TMEM132C: variants seen among roughly 807,000 people sequenced by gnomAD.
TMEM132C encodes the protein transmembrane protein 132C.
A neutral mutation model predicts 61.4 loss-of-function variants in TMEM132C; 29 were observed. That is an observed-to-expected ratio of 0.47 (90% confidence interval 0.35 to 0.64). The LOEUF (loss-of-function observed/expected upper bound fraction) is 0.64. Among genes scored for constraint, TMEM132C ranks in the 30% least tolerant of loss-of-function variants. TMEM132C has a pLI of 0.00. For synonymous variants in TMEM132C, 656 were observed against 633.1 expected, an observed-to-expected ratio of 1.04 and a Z score of -0.54; for missense variants, 1,408 against 1,476.9, an observed-to-expected ratio of 0.95 and a Z score of 0.76.
At chr12:128,632,983 T>A (rs948400936) in intron 4 of TMEM132C, among the ~76,000 whole-genome samples, 5 of 152,126 alleles carry the variant, frequency 3.3e-5, no homozygotes, top group African/African-American at 1.2e-4. Context: ...CACAGTGGCT[T>A]AAAATAGCAA....
intron 2 of TMEM132C, among the ~76,000 whole-genome samples, chr12:128,431,224 C>G (rs1869375270): frequency 6.6e-6 from 1 of 152,216 alleles, no homozygotes; most frequent in African/African-American, 2.4e-5. Context: ...TCAAACCATC[C>G]ACAACTTTTC....
intron 5 of TMEM132C, among the ~76,000 whole-genome samples, chr12:128,679,758 T>C (rs1384050954): frequency 6.6e-6 from 1 of 152,182 alleles, no homozygotes; most frequent in Non-Finnish European, 1.5e-5. Flanking sequence ...CACAAATTTA[T>C]CTGTAATAGC....
intron 1 of TMEM132C, chr12:128,288,713 A>C (rs2135906310): frequency 6.6e-6 from 1 of 152,202 alleles, no homozygotes; most frequent in South Asian, 2.1e-4. Flanking sequence ...TTATATATTC[A>C]TGGGTCAAAC....
At chr12:128,693,770 G>C (rs1167183507) in intron 5 of TMEM132C, 59 bp from the exon 6 acceptor site, 1 of 1,529,832 alleles carries the variant, frequency 6.5e-7, no homozygotes, top group African/African-American at 1.4e-5. Flanking sequence ...AACAAAAAAA[G>C]GATTGTCTCC....
rs111751072 is a variant in TMEM132C at position 128,466,871 on chromosome 12, A to T, written c.974+51251A>T. ...AGTCCCCTTGGACATTCAGGTTTGG[A>T]GCCCTGACACTTGGCTACATAGGGG... On this transcript the variant is annotated intron_variant, in intron 2 of 8. Transcript: ENST00000435159. 3.3e-5 allele frequency among the ~76,000 whole-genome samples: 5 copies of T among 152,248 alleles called. 1 individual carries two copies. The highest frequency in any genetic ancestry group is 9.6e-5 in the African/African-American group (4 of 41,542).
Position 128,705,765 on chromosome 12 carries a change from G to T in TMEM132C, c.2797G>T (p.Val933Leu). Residue 933 changes from valine to leucine, a missense_variant, in exon 9 of 9, where the codon GTG becomes TTG. Coordinates refer to ENST00000435159, the MANE Select transcript of TMEM132C (RefSeq NM_001136103.3). Reference protein sequence around the residue: ...LEIGMYALLGVFCLAILVFLI... With the variant: ...LEIGMYALLGLFCLAILVFLI... ...GATAGGGATGTACGCCCTCCTGGGG[G>T]TGTTCTGCCTGGCCATCCTCGTCTT... is the stretch of plus-strand genomic sequence containing the variant. 1.9e-6 allele frequency: 3 copies of T among 1,551,528 alleles called. No individual in the cohort carries two copies. Among genetic ancestry groups the T allele is most frequent in the Non-Finnish European group, 2.6e-6 (3 of 1,147,020 alleles).
intron 4 of TMEM132C, among the ~76,000 whole-genome samples, chr12:128,655,932 T>C (rs1343161797): frequency 2.6e-5 from 4 of 152,230 alleles, no homozygotes; most frequent in African/African-American, 9.6e-5. Context: ...TCAAAACCTC[T>C]AGGTGAAACA....
intron 5 of TMEM132C, among the ~76,000 whole-genome samples, chr12:128,670,951 C>A (rs1954526254): frequency 6.6e-6 from 1 of 152,032 alleles, no homozygotes; most frequent in African/African-American, 2.4e-5. Flanking sequence ...AGGTTAGCAG[C>A]AAATTCTAAT....
intron 1 of TMEM132C, among the ~76,000 whole-genome samples, chr12:128,292,875 A>G (rs1871289461): frequency 6.6e-6 from 1 of 152,192 alleles, no homozygotes; most frequent in African/African-American, 2.4e-5. Context: ...TAAACAGAAT[A>G]GCATAGAAAT....
chr12:128,609,751 G>A (rs1876566534), intron 3 of TMEM132C, among the ~76,000 whole-genome samples: 1 of 152,162 alleles, frequency 6.6e-6, no homozygotes, highest in African/African-American at 2.4e-5. Flanking sequence ...TGGCGTATTG[G>A]ATCTGGGTGT....
At chr12:128,539,131 T>G (rs1873641033) in intron 2 of TMEM132C, among the ~76,000 whole-genome samples, 1 of 152,190 alleles carries the variant, frequency 6.6e-6, no homozygotes, top group East Asian at 1.9e-4. Flanking sequence ...CGGAATCTTC[T>G]CCATGCCTCA....
At chr12:128,329,478 G>T (rs1055153120) in intron 1 of TMEM132C, among the ~76,000 whole-genome samples, 1 of 152,100 alleles carries the variant, frequency 6.6e-6, no homozygotes, top group South Asian at 2.1e-4. Context: ...ACTTTTATTG[G>T]TTTGTGAAAA....
chr12:128,597,867 C>T (rs988919003), intron 3 of TMEM132C, among the ~76,000 whole-genome samples: 3 of 152,094 alleles, frequency 2.0e-5, no homozygotes, highest in Non-Finnish European at 4.4e-5. Context: ...AGGGAGCAAA[C>T]ATGCAGAGAG....
intron 1 of TMEM132C, among the ~76,000 whole-genome samples, chr12:128,351,561 C>T (rs549779308): frequency 5.9e-5 from 9 of 152,164 alleles, no homozygotes; most frequent in African/African-American, 1.9e-4. Context: ...GCAGGCTGTA[C>T]AGGAAATATG....
intron 3 of TMEM132C, among the ~76,000 whole-genome samples, chr12:128,592,757 A>G (rs1875801359): frequency 6.6e-6 from 1 of 152,226 alleles, no homozygotes; most frequent in South Asian, 2.1e-4. Context: ...GAGGACCCCC[A>G]GGCTCCCAGA....
chr12:128,593,069 TTTCTC>T (rs1160939095), intron 3 of TMEM132C, among the ~76,000 whole-genome samples: 5 of 151,790 alleles, frequency 3.3e-5, no homozygotes, highest in Non-Finnish European at 7.4e-5. Context: ...CTTTCTTTCC[TTTCTC>T]ATCTTCCTTC....
Position 128,706,075 on chromosome 12 carries a change from G to C in TMEM132C, c.3107G>C (p.Gly1036Ala). ...HRSADSGGRQ[G>A]REQKQDPLHS... is the part of the protein sequence containing the mutation. Reference sequence around the variant, plus strand: ...TCAGCCGACTCCGGGGGGCGGCAGGGCAGAGAACAGAAGCAGGACCCCCTG... The same window carrying C: ...TCAGCCGACTCCGGGGGGCGGCAGGCCAGAGAACAGAAGCAGGACCCCCTG... The change falls in exon 9 of 9, where the codon GGC (glycine) becomes GCC (alanine). Residue 1036 changes from glycine (G) to alanine (A), a missense_variant. By Grantham distance (60) the Gly-to-Ala change is moderately conservative. Coordinates refer to ENST00000435159, the MANE Select transcript of TMEM132C (RefSeq NM_001136103.3). The C allele has an allele frequency of 6.4e-7, 1 of 1,551,662 alleles. No individual in the cohort carries two copies. The highest frequency in any genetic ancestry group is 8.7e-7 in the Non-Finnish European group (1 of 1,146,972).
chr12:128,418,298 A>G (rs1868852247), intron 2 of TMEM132C, among the ~76,000 whole-genome samples: 1 of 152,214 alleles, frequency 6.6e-6, no homozygotes, highest in South Asian at 2.1e-4. Context: ...TTGGAGGTTC[A>G]TTCTCATTCT....
intron 1 of TMEM132C, among the ~76,000 whole-genome samples, chr12:128,406,895 C>T (rs1875367883): frequency 6.6e-6 from 1 of 152,206 alleles, no homozygotes; most frequent in Non-Finnish European, 1.5e-5. Context: ...ACATCACTTA[C>T]AACCAGGAGA....
Sources: allele counts gnomAD v4.1 joint callset (sites outside exome capture counted in the v4.1 genomes callset), GRCh38; gene constraint gnomAD v4.1.1; transcripts MANE v1.5; gene names NCBI Gene and HGNC (gene_info 2026-07-23, HGNC 2026-07-21).